Variants in IPO8 observed in about 807,000 individuals in gnomAD.
The protein encoded by IPO8 is importin-8.
In IPO8, 65 loss-of-function variants were observed where a neutral mutation model predicts 141.2. The observed-to-expected ratio is 0.46, with a 90% confidence interval of 0.38 to 0.57. The LOEUF (loss-of-function observed/expected upper bound fraction) is 0.57. Among genes scored for constraint, IPO8 ranks in the 20% least tolerant of loss-of-function variants. IPO8 has a pLI of 0.00. For synonymous variants in IPO8, 411 were observed against 420.3 expected (o/e 0.98, Z 0.27); for missense variants, 980 against 1,246.8 (o/e 0.79, Z 3.22).
At chr12:30,691,583 T>C (rs921338951) in intron 1 of IPO8, among the ~76,000 whole-genome samples, 1 of 152,344 alleles carries the variant, frequency 6.6e-6, no homozygotes, top group South Asian at 2.1e-4. Context: ...AGTCCACATA[T>C]GCCTTTGTCC....
At chr12:30,689,865 T>G (rs376767841) in intron 2 of IPO8, among the ~76,000 whole-genome samples, 4 of 152,234 alleles carry the variant, frequency 2.6e-5, no homozygotes, top group African/African-American at 9.6e-5. Flanking sequence ...AATTAGCTAT[T>G]GTCGTTTACC....
At chr12:30,674,810 A>G in intron 6 of IPO8, 57 bp from the exon 7 acceptor site, 1 of 1,095,480 alleles carries the variant, frequency 9.1e-7, no homozygotes, top group East Asian at 2.4e-5. Context: ...ATTTATGTGA[A>G]TAACAAAGGC....
At chr12:30,639,040 A>T (rs1367825029) in intron 21 of IPO8, among the ~76,000 whole-genome samples, 1 of 152,128 alleles carries the variant, frequency 6.6e-6, no homozygotes, top group Non-Finnish European at 1.5e-5. Context: ...CTGGGGCAGC[A>T]CCTGGGCTAC....
intron 19 of IPO8, among the ~76,000 whole-genome samples, chr12:30,651,191 A>G (rs1188206652): frequency 6.6e-6 from 1 of 152,114 alleles, no homozygotes; most frequent in Non-Finnish European, 1.5e-5. Context: ...TCTAACAGGG[A>G]AAACTGAAGA....
Position 30,662,425 on chromosome 12 carries a change from C to T in IPO8, c.1657G>A (p.Glu553Lys). The T allele has an allele frequency of 6.2e-7, 1 of 1,613,224 alleles. No individual in the cohort carries two copies. The highest frequency in any genetic ancestry group is 8.5e-7 in the Non-Finnish European group (1 of 1,179,384). Residue 553 changes from glutamate (E) to lysine (K), a missense_variant, in exon 15 of 25, where the codon GAG becomes AAG. Glu to Lys is a moderately conservative substitution (Grantham distance 56). Transcript: ENST00000256079. ...TTAGTAACATCATCATTTTCTGTCT[C>T]TCTAACAATGTGCAACAGTTCCTGC... is the stretch of plus-strand genomic sequence containing the variant. ...IMQELLHIVR[E>K]TENDDVTNVI...
intron 5 of IPO8, 43 bp from the exon 6 acceptor site, chr12:30,676,630 C>CA (rs1240336310): frequency 5.7e-6 from 8 of 1,392,958 alleles, no homozygotes; most frequent in South Asian, 2.3e-5. Context: ...TCCTCCCATC[C>CA]AAAAAAATCA....
chr12:30,642,429 T>C (rs2052587268), intron 20 of IPO8, among the ~76,000 whole-genome samples: 1 of 151,656 alleles, frequency 6.6e-6, no homozygotes, highest in South Asian at 2.1e-4. Flanking sequence ...ATCCCCCAAA[T>C]CTAAAATTAA....
chr12:30,641,493 C>CTTTTTTTTTTTTTTTTTTTTTT (rs58656525), intron 20 of IPO8, among the ~76,000 whole-genome samples: 3 of 135,052 alleles, frequency 2.2e-5, no homozygotes, highest in Non-Finnish European at 4.7e-5. Context: ...TAAGCTATTT[C>CTTTTTTTTTTTTTTTTTTTTTT]TTTTTTTTTT....
At chr12:30,639,767 C>T in intron 20 of IPO8, 32 bp from the exon 21 acceptor site, 1 of 1,521,524 alleles carries the variant, frequency 6.6e-7, no homozygotes, top group Non-Finnish European at 9.1e-7. Context: ...GTCAACCACA[C>T]AGACAGCCCA....
At chr12:30,687,362 A>G (rs2053251890) in intron 2 of IPO8, among the ~76,000 whole-genome samples, 1 of 152,142 alleles carries the variant, frequency 6.6e-6, no homozygotes, top group Non-Finnish European at 1.5e-5. Context: ...TTTAAGCATC[A>G]TAAGTTGAAA....
rs749655580 is a variant in IPO8, at chr12:30,695,657, TG to T, written c.-11del. 90 of 1,612,392 alleles carry T rather than the reference TG, an allele frequency of 5.6e-5. No homozygotes were observed. Among genetic ancestry groups the T allele is most frequent in the Non-Finnish European group, 1.5e-5 (18 of 1,178,776 alleles). ...TCCGGTTGAGGTCCATCTCCCCGGG[TG>T]GGGGCTCCGCGGCCCCCGGAACAGT... On this transcript the variant is annotated 5_prime_UTR_variant, in exon 1 of 25. Transcript: ENST00000256079. The surrounding 1 kb of genome is among the most constrained non-coding windows in gnomAD (Gnocchi z 4.2).
At chr12:30,659,954 G>A (rs544638091) in intron 16 of IPO8, among the ~76,000 whole-genome samples, 17 of 152,114 alleles carry the variant, frequency 1.1e-4, no homozygotes, top group South Asian at 8.3e-4. Flanking sequence ...CAGGCATGGC[G>A]GCTCATGCCT....
rs2052737299 is a variant in IPO8, at chr12:30,652,221, A to C, written c.2143T>G (p.Leu715Val). 1.3e-6 allele frequency: 2 copies of C among 1,593,732 alleles called. No individual in the cohort carries two copies. The highest frequency in any genetic ancestry group is 3.4e-5 in the Admixed American group (2 of 59,694). Residue 715 changes from leucine to valine, a missense_variant, in exon 19 of 25, where the codon TTA becomes GTA. By Grantham distance (32) the Leu-to-Val change is conservative. This residue lies in a region of IPO8 where 924 missense variants were observed against 1,153.9 expected (regional missense o/e 0.80). Transcript: ENST00000256079. ...CTACACATTGTAAAAAGAATTTCTA[A>C]ATGTTTTGCATTTGATAGTAAGGTA... ...TDTLLSNAKH[L>V]EILFTMCRKV...
Position 30,630,845 on chromosome 12 carries a change from C to T in IPO8, c.*15G>A. ...AAATGCAGCGATGACATTTGGTCAG[C>T]TGATGTTCTTTCCTTCAGTTGTTGC... On this transcript the variant is annotated 3_prime_UTR_variant, in exon 25 of 25. Coordinates refer to ENST00000256079, the MANE Select transcript of IPO8 (RefSeq NM_006390.4). 6.3e-7 allele frequency: 1 copy of T among 1,588,392 alleles called. No homozygotes were observed. The highest frequency in any genetic ancestry group is 1.7e-5 in the Admixed American group (1 of 59,742).
intron 7 of IPO8, 122 bp from the exon 8 acceptor site, chr12:30,674,196 C>T (rs2053088399): frequency 8.5e-6 from 5 of 589,830 alleles, no homozygotes; most frequent in Middle Eastern, 4.7e-4. Context: ...ACTAACACTG[C>T]CTTTTTTTCC....
At chr12:30,637,802 T>G (rs1033837786) in intron 21 of IPO8, among the ~76,000 whole-genome samples, 2 of 152,232 alleles carry the variant, frequency 1.3e-5, no homozygotes, top group Non-Finnish European at 2.9e-5. Flanking sequence ...AAATGCTTCC[T>G]CTAAGTTGCT....
chr12:30,652,036 C>A (rs2052734238), intron 19 of IPO8, among the ~76,000 whole-genome samples, 156 bp downstream of exon 19: 1 of 151,948 alleles, frequency 6.6e-6, no homozygotes. Flanking sequence ...ACTTTCAAAT[C>A]CCAAAGATCC....
Position 30,686,470 on chromosome 12 carries a change from C to G in IPO8, c.167-2013G>C, listed in dbSNP as rs576100589. 3 of 152,304 alleles carry G rather than the reference C, an allele frequency of 2.0e-5. No individual in the cohort carries two copies. In the South Asian group the frequency reaches 6.2e-4, roughly 32 times the overall value. 9.4% of individuals were successfully genotyped at this position (152,304 alleles called of 1,614,324 possible). A position where few individuals can be genotyped will look rare whatever the true frequency, so the allele number is the denominator to read the frequency against. ...TTAGGTGATCCTCCCACCTCAGTCT[C>G]TCAAGTAGTTGGGAATACAGGCGTG... On this transcript the variant is annotated intron_variant, in intron 2 of 24. Coordinates refer to ENST00000256079, the MANE Select transcript of IPO8 (RefSeq NM_006390.4).
At chr12:30,676,701 A>C (rs1388254839) in intron 5 of IPO8, 114 bp from the exon 6 acceptor site, 67 of 826,002 alleles carry the variant, frequency 8.1e-5, no homozygotes, top group Non-Finnish European at 4.0e-6. Flanking sequence ...GAGAATGAAA[A>C]TAGCAATCTT....
Sources: gnomAD v4.1 joint callset for allele counts (sites outside exome capture counted in the v4.1 genomes callset) on GRCh38, gnomAD v4.1.1 for gene constraint, gnomAD v4.1.1 regional missense constraint, Gnocchi (gnomAD v3.1) non-coding constraint, MANE v1.5 for transcripts, NCBI Gene and HGNC (gene_info 2026-07-23, HGNC 2026-07-21) for gene names.